The following NCF2 variants were observed in gnomAD, a reference collection of about 807,000 sequenced individuals.
NCF2 encodes the protein neutrophil cytosolic factor 2, also known as neutrophil cytosol factor 2.
A neutral mutation model predicts 70.9 loss-of-function variants in NCF2; 45 were observed. The ratio of observed to expected loss-of-function variants is 0.63; its 90% CI spans 0.50 to 0.81. The LOEUF (loss-of-function observed/expected upper bound fraction) is 0.81, where lower values mean the gene tolerates loss of function less well. Among genes scored for constraint, NCF2 ranks in the 40% least tolerant of loss-of-function variants. The probability of loss-of-function intolerance (pLI) is 0.00; values close to 1 mark genes in which losing one functional copy is unlikely to be tolerated. For synonymous variants in NCF2, 203 were observed against 233.6 expected (o/e 0.87, Z 1.19); for missense variants, 522 against 631.6 (o/e 0.83, Z 1.86).
At chr1:183,577,946 A>T (rs1177115256) in intron 2 of NCF2, among the ~76,000 whole-genome samples, 2 of 152,194 alleles carry the variant, frequency 1.3e-5, no homozygotes, top group Non-Finnish European at 2.9e-5. Flanking sequence ...CGTCTTGGAC[A>T]GTCACAGGGA....
At chr1:183,595,545 G>A (rs1029075673), upstream of NCF2, among the ~76,000 whole-genome samples, 3 of 152,202 alleles carry the variant, frequency 2.0e-5, no homozygotes, top group Admixed American at 6.5e-5. Context: ...AGATCGAGGT[G>A]TTATCTAGGC....
intron 5 of NCF2, among the ~76,000 whole-genome samples, chr1:183,571,866 C>T (rs1300882076): frequency 6.6e-6 from 1 of 152,232 alleles, no homozygotes; most frequent in East Asian, 1.9e-4. Context: ...CCTTTCGTAT[C>T]TGGCTTCCTT....
intron 3 of NCF2, among the ~76,000 whole-genome samples, chr1:183,577,312 G>A (rs759059687): frequency 6.6e-6 from 1 of 152,194 alleles, no homozygotes; most frequent in African/African-American, 2.4e-5. Context: ...CAACACACTC[G>A]TGTCCAGCCT....
intron 10 of NCF2, 170 bp from the exon 11 acceptor site, chr1:183,564,200 G>C: frequency 1.4e-6 from 1 of 723,318 alleles, no homozygotes; most frequent in Non-Finnish European, 2.4e-6. Flanking sequence ...ATCTCGCCCT[G>C]GGGAAGCATG....
At chr1:183,558,181 C>T (rs952992500) in intron 14 of NCF2, among the ~76,000 whole-genome samples, 1 of 151,856 alleles carries the variant, frequency 6.6e-6, no homozygotes, top group Admixed American at 6.6e-5. Context: ...GCCTATACTA[C>T]TCATATTTTT....
chr1:183,593,825 C>T (rs998678677), upstream of NCF2, among the ~76,000 whole-genome samples: 26 of 152,132 alleles, frequency 1.7e-4, no homozygotes, highest in African/African-American at 5.8e-4. Context: ...TTGGTAGAAC[C>T]CCAGTTCTGT....
rs542054366 is a variant in NCF2, at chr1:183,565,794, G to A, written c.925-15C>T. On this transcript the variant is annotated splice_polypyrimidine_tract_variant and intron_variant, in intron 9 of 14. Transcript: ENST00000367535. ...GAGCTTTCCTCCTGAAGGCAACAGGGAGCGACGGTCAGAACCTTCATTCAA... is the reference window on the plus strand; with the variant it reads ...GAGCTTTCCTCCTGAAGGCAACAGGAAGCGACGGTCAGAACCTTCATTCAA... 8.1e-6 allele frequency: 13 copies of A among 1,613,680 alleles called. No individual in the cohort carries two copies. In the South Asian group the frequency reaches 8.8e-5, roughly 11 times the overall value.
the NCF2 span, among the ~76,000 whole-genome samples, chr1:183,600,802 C>T: frequency 6.6e-6 from 1 of 152,220 alleles, no homozygotes; most frequent in South Asian, 2.1e-4. Flanking sequence ...TCCTTCACTT[C>T]CTTCTCAGCA....
Position 183,590,315 on chromosome 1 carries a change from C to T in NCF2, c.15G>A (p.Glu5=). 2 of 1,614,046 alleles carry T rather than the reference C, an allele frequency of 1.2e-6. No individual in the cohort carries two copies. The highest frequency in any genetic ancestry group is 1.3e-5 in the African/African-American group (1 of 74,982). ...CCCCTTCATTCCAGAGGCTGATGGC[C>T]TCCACCAGGGACATGATTAGGTAGA... is the stretch of plus-strand genomic sequence containing the variant. MSLV[E]AISLWNEGVL... The change falls in exon 1 of 15, where the codon GAG becomes GAA. Residue 5 remains glutamate, a synonymous_variant. Coordinates refer to ENST00000367535, the MANE Select transcript of NCF2 (RefSeq NM_000433.4).
intron 2 of NCF2, among the ~76,000 whole-genome samples, chr1:183,586,358 C>G (rs905770125): frequency 6.6e-5 from 10 of 152,214 alleles, no homozygotes; most frequent in African/African-American, 2.2e-4. Context: ...AAATTAACAT[C>G]TACTGCAAAC....
chr1:183,585,762 C>A (rs575529899), intron 2 of NCF2, among the ~76,000 whole-genome samples: 1 of 151,976 alleles, frequency 6.6e-6, no homozygotes, highest in African/African-American at 2.4e-5. Context: ...GAATTTTTTT[C>A]CTTTGTTATT....
chr1:183,579,358 C>T (rs1479174485), intron 2 of NCF2, among the ~76,000 whole-genome samples: 1 of 152,176 alleles, frequency 6.6e-6, no homozygotes, highest in East Asian at 1.9e-4. Flanking sequence ...TGAGTCTTGG[C>T]TCCGTCACTT....
upstream of NCF2, among the ~76,000 whole-genome samples, chr1:183,592,626 G>GATA (rs1673705234): frequency 6.6e-6 from 1 of 152,114 alleles, no homozygotes. Context: ...GGCAGAAAGA[G>GATA]GTATTGCTAT....
chr1:183,566,254 A>G (rs1672293670), intron 9 of NCF2, among the ~76,000 whole-genome samples: 1 of 152,192 alleles, frequency 6.6e-6, no homozygotes, highest in Admixed American at 6.5e-5. Context: ...ACTGCCATTG[A>G]GTCACTTACA....
intron 11 of NCF2, 175 bp downstream of exon 11, chr1:183,563,830 A>C (rs1259203359): frequency 1.1e-5 from 9 of 834,442 alleles, no homozygotes; most frequent in Non-Finnish European, 1.6e-5. Flanking sequence ...AAGTGTGTGC[A>C]TGATAGTGGA....
At chr1:183,559,038 G>A (rs950465099) in intron 14 of NCF2, among the ~76,000 whole-genome samples, 1 of 152,214 alleles carries the variant, frequency 6.6e-6, no homozygotes. Flanking sequence ...CAAACCACGA[G>A]TTGGAATGGT....
chr1:183,581,787 C>G (rs1473389217), intron 2 of NCF2, among the ~76,000 whole-genome samples: 3 of 152,078 alleles, frequency 2.0e-5, no homozygotes, highest in Non-Finnish European at 4.4e-5. Flanking sequence ...CCTGCCTCAG[C>G]CTCCCGAGTA....
chr1:183,563,600 A>G lies in NCF2; in HGVS notation c.1027-15T>C, dbSNP rs768694816. On this transcript the variant is annotated splice_polypyrimidine_tract_variant and intron_variant, in intron 11 of 14. Coordinates refer to ENST00000367535, the MANE Select transcript of NCF2 (RefSeq NM_000433.4). ...AGCTTCACTTCCTGAGTGGGGAGGA[A>G]ACAAAGGGAACTCCTGAGTGTCTGA... 6.2e-7 allele frequency: 1 copy of G among 1,612,754 alleles called. No individual in the cohort carries two copies. Among genetic ancestry groups the G allele is most frequent in the Non-Finnish European group, 8.5e-7 (1 of 1,179,996 alleles).
chr1:183,556,573 C>A (rs1054713738), intron 14 of NCF2, among the ~76,000 whole-genome samples: 1 of 152,228 alleles, frequency 6.6e-6, no homozygotes, highest in African/African-American at 2.4e-5. Context: ...TCACTGTCAC[C>A]CAGGCTGGAG....
Sources: gnomAD v4.1 joint callset for allele counts (sites outside exome capture counted in the v4.1 genomes callset) on GRCh38, gnomAD v4.1.1 for gene constraint, MANE v1.5 for transcripts, NCBI Gene and HGNC (gene_info 2026-07-23, HGNC 2026-07-21) for gene names.